RGS7: variants seen among roughly 807,000 people sequenced by gnomAD.
The protein encoded by RGS7 is regulator of G protein signaling 7, also known as regulator of G-protein signaling 7.
A neutral mutation model predicts 81.1 loss-of-function variants in RGS7; 27 were observed. That is an observed-to-expected ratio of 0.33 (90% CI 0.25 to 0.46). The LOEUF (loss-of-function observed/expected upper bound fraction) is 0.46. RGS7 is among the 20% of genes least tolerant of loss of function. The probability of loss-of-function intolerance (pLI) is 1.00; values close to 1 mark genes in which losing one functional copy is unlikely to be tolerated. For synonymous variants in RGS7, 208 were observed against 207.7 expected (o/e 1.00, Z -0.01); for missense variants, 396 against 607.4 (o/e 0.65, Z 3.66).
chr1:240,918,364 C>T (rs896455287), intron 6 of RGS7, among the ~76,000 whole-genome samples: 7 of 152,032 alleles, frequency 4.6e-5, no homozygotes, highest in African/African-American at 1.4e-4. Context: ...TAAGACACAC[C>T]TTAAAAATGT....
intron 2 of RGS7, among the ~76,000 whole-genome samples, chr1:241,291,325 A>G (rs561126384): frequency 4.9e-5 from 7 of 141,566 alleles, no homozygotes; most frequent in African/African-American, 1.7e-4. Flanking sequence ...TAAGACTCAC[A>G]GTTACAATAC....
At chr1:241,281,481 C>T (rs1915870) in intron 2 of RGS7, among the ~76,000 whole-genome samples, 76,105 of 151,990 alleles carry the variant, frequency 0.5, 19,515 homozygotes, top group East Asian at 0.68. Context: ...TAGTGCAAAC[C>T]GTAAACGCTG....
intron 3 of RGS7, among the ~76,000 whole-genome samples, chr1:241,038,151 A>C (rs1013915962): frequency 3.9e-5 from 6 of 152,226 alleles, no homozygotes; most frequent in African/African-American, 1.2e-4. Context: ...TATTTGTTAC[A>C]GTTGGCTGCT....
intron 6 of RGS7, among the ~76,000 whole-genome samples, chr1:240,894,878 T>C (rs1282396001): frequency 1.3e-5 from 2 of 152,214 alleles, no homozygotes; most frequent in African/African-American, 2.4e-5. Context: ...AACAATATTC[T>C]ATAGCAATTT....
chr1:241,085,117 T>C (rs2148906870), intron 3 of RGS7, among the ~76,000 whole-genome samples: 1 of 152,346 alleles, frequency 6.6e-6, no homozygotes, highest in South Asian at 2.1e-4. Flanking sequence ...TTCTGGTTTC[T>C]TTTCTGCTAT....
intron 2 of RGS7, among the ~76,000 whole-genome samples, chr1:241,278,028 T>G (rs2078287740): frequency 1.3e-5 from 2 of 152,248 alleles, no homozygotes; most frequent in Non-Finnish European, 2.9e-5. Flanking sequence ...AACTCTTTGC[T>G]CATGTTGTCT....
intron 2 of RGS7, among the ~76,000 whole-genome samples, chr1:241,177,252 G>A (rs2071223269): frequency 6.6e-6 from 1 of 152,354 alleles, no homozygotes; most frequent in East Asian, 1.9e-4. Context: ...AAGAGGTGAT[G>A]TGTGAGCAGA....
intron 2 of RGS7, among the ~76,000 whole-genome samples, chr1:241,309,358 C>G (rs1225431958): frequency 7.7e-6 from 1 of 129,080 alleles, no homozygotes; most frequent in Non-Finnish European, 1.5e-5. Context: ...TGCACTCCAG[C>G]CTGGGCAACA....
chr1:240,981,353 A>G (rs1368034230), intron 4 of RGS7, among the ~76,000 whole-genome samples: 1 of 151,970 alleles, frequency 6.6e-6, no homozygotes, highest in South Asian at 2.1e-4. Context: ...CTCGTGATCC[A>G]CCCACCTCAG....
chr1:240,872,465 A>G (rs948095013), intron 6 of RGS7, among the ~76,000 whole-genome samples: 2 of 152,146 alleles, frequency 1.3e-5, no homozygotes, highest in Non-Finnish European at 1.5e-5. Flanking sequence ...TCTCTTAAAA[A>G]AATAAAATAA....
rs1251073202 is a variant in RGS7 at position 241,183,858 on chromosome 1, G to T, written c.79-85096C>A. The stretch of plus-strand genomic sequence containing the variant: ...CTTCTGTACCGCCTTGGCACACGAA[G>T]GACATCAGAGAACCTGGCATCTCTT... On this transcript the variant is annotated intron_variant, in intron 2 of 18. Coordinates refer to ENST00000440928, the MANE Select transcript of RGS7 (RefSeq NM_001364886.1). 3.9e-5 allele frequency among the ~76,000 whole-genome samples: 6 copies of T among 152,306 alleles called. 1 individual carries two copies. In the South Asian group the frequency reaches 1.2e-3, roughly 32 times the overall value.
At chr1:240,897,220 T>C (rs918620787) in intron 6 of RGS7, among the ~76,000 whole-genome samples, 6 of 152,232 alleles carry the variant, frequency 3.9e-5, no homozygotes, top group African/African-American at 1.4e-4. Context: ...AATCATGTCA[T>C]CTGCAAATAG....
chr1:240,789,524 A>T (rs1685621820), intron 18 of RGS7, among the ~76,000 whole-genome samples: 1 of 152,204 alleles, frequency 6.6e-6, no homozygotes, highest in South Asian at 2.1e-4. Flanking sequence ...AGCAAGGAAC[A>T]TCCCTGAGAA....
chr1:241,079,736 T>C (rs955215669), intron 3 of RGS7, among the ~76,000 whole-genome samples: 1 of 152,068 alleles, frequency 6.6e-6, no homozygotes. Context: ...ATCAGCATTT[T>C]ACAAAAACAC....
At chr1:241,222,432 A>G (rs1371403236) in intron 2 of RGS7, among the ~76,000 whole-genome samples, 1 of 152,206 alleles carries the variant, frequency 6.6e-6, no homozygotes, top group African/African-American at 2.4e-5. Flanking sequence ...TAATTTGAAG[A>G]ACTACTGTTA....
chr1:241,043,957 T>A (rs1257347979), intron 3 of RGS7, among the ~76,000 whole-genome samples: 3 of 152,148 alleles, frequency 2.0e-5, no homozygotes, highest in Non-Finnish European at 4.4e-5. Flanking sequence ...TTCTTTTGCA[T>A]GTATGCTTGT....
At chr1:240,871,451 A>C (rs561692694) in intron 6 of RGS7, among the ~76,000 whole-genome samples, 140 of 152,364 alleles carry the variant, frequency 9.2e-4, no homozygotes, top group African/African-American at 3.3e-3. Context: ...CCTGTATGAA[A>C]GTCAAGACGA....
chr1:240,986,397 T>A (rs1057295142), intron 3 of RGS7, among the ~76,000 whole-genome samples: 1 of 152,136 alleles, frequency 6.6e-6, no homozygotes, highest in African/African-American at 2.4e-5. Context: ...GCCATAAAGT[T>A]CAATTCAAAC....
At chr1:241,069,588 A>T (rs1214703499) in intron 3 of RGS7, among the ~76,000 whole-genome samples, 1 of 152,218 alleles carries the variant, frequency 6.6e-6, no homozygotes, top group Non-Finnish European at 1.5e-5. Flanking sequence ...TAGTAGTATA[A>T]CACGCTTCTC....
Sources: allele counts gnomAD v4.1 joint callset (sites outside exome capture counted in the v4.1 genomes callset), GRCh38; gene constraint gnomAD v4.1.1; transcripts MANE v1.5; gene names NCBI Gene and HGNC (gene_info 2026-07-23, HGNC 2026-07-21).